TOX: variants seen among roughly 807,000 people sequenced by gnomAD.
TOX encodes the protein thymocyte selection-associated high mobility group box protein TOX.
TOX carries 11 observed loss-of-function variants against 53.7 expected under a neutral mutation model. The observed-to-expected ratio is 0.20, with a 90% CI of 0.13 to 0.34. TOX has a LOEUF of 0.34. Ranked by LOEUF, TOX falls within the 10% of genes least tolerant of loss-of-function variation. The pLI is 1.00. For missense variants in TOX, 570 were observed against 664.6 expected (o/e 0.86, Z 1.56); for synonymous variants, 225 against 245.3 (o/e 0.92, Z 0.77).
intron 7 of TOX, among the ~76,000 whole-genome samples, chr8:58,808,676 A>G (rs1810028289): frequency 6.6e-6 from 1 of 152,208 alleles, no homozygotes; most frequent in Admixed American, 6.5e-5. Flanking sequence ...TTTTTGAAGG[A>G]TTCAGGCAGC....
intron 3 of TOX, among the ~76,000 whole-genome samples, chr8:58,888,882 C>A (rs1285213609): frequency 2.0e-5 from 3 of 151,774 alleles, no homozygotes; most frequent in Non-Finnish European, 4.4e-5. Context: ...GTATCCATAC[C>A]TCCTCCCTAA....
At chr8:58,943,272 G>C (rs1812471808) in intron 2 of TOX, among the ~76,000 whole-genome samples, 1 of 152,160 alleles carries the variant, frequency 6.6e-6, no homozygotes, top group South Asian at 2.1e-4. Context: ...TGGGGCACGT[G>C]AAGGAAGTCA....
chr8:59,040,047 C>T (rs997307203), intron 1 of TOX, among the ~76,000 whole-genome samples: 9 of 152,238 alleles, frequency 5.9e-5, no homozygotes, highest in African/African-American at 2.2e-4. Flanking sequence ...TAAGAAGCAT[C>T]GGCCGGGCGC....
At chr8:58,835,662 A>T (rs1488275785) in intron 5 of TOX, among the ~76,000 whole-genome samples, 2 of 152,306 alleles carry the variant, frequency 1.3e-5, no homozygotes, top group East Asian at 3.9e-4. Context: ...GAGAACAGGG[A>T]TTTATTTTTT....
At chr8:58,975,088 G>T (rs1341313658) in intron 1 of TOX, among the ~76,000 whole-genome samples, 2 of 151,318 alleles carry the variant, frequency 1.3e-5, no homozygotes, top group Non-Finnish European at 2.9e-5. Flanking sequence ...TATGTATAAA[G>T]TTGTACATAT....
chr8:58,933,551 C>T (rs954896067), intron 3 of TOX, among the ~76,000 whole-genome samples: 1 of 150,018 alleles, frequency 6.7e-6, no homozygotes, highest in Non-Finnish European at 1.5e-5. Context: ...GTTCTTATAA[C>T]TGATTAAACT....
intron 1 of TOX, among the ~76,000 whole-genome samples, chr8:59,068,510 A>T (rs1286021416): frequency 6.6e-6 from 1 of 152,062 alleles, no homozygotes; most frequent in Non-Finnish European, 1.5e-5. Context: ...GGCGGAAAAA[A>T]GTAAAAAAAG....
intron 3 of TOX, among the ~76,000 whole-genome samples, chr8:58,892,556 G>A (rs1266644281): frequency 1.3e-5 from 2 of 152,114 alleles, no homozygotes; most frequent in Non-Finnish European, 2.9e-5. Flanking sequence ...GTGGCTTTGG[G>A]CTCCCTCAAA....
chr8:58,807,305 T>C lies in TOX; in HGVS notation c.*442A>G, dbSNP rs1809995147. The C allele has an allele frequency of 6.5e-6, 1 of 153,770 alleles. No homozygotes were observed. The highest frequency in any genetic ancestry group is 1.5e-5 in the Non-Finnish European group (1 of 68,842). 9.5% of individuals were successfully genotyped at this position (153,770 alleles called of 1,614,324 possible). On this transcript the variant is annotated 3_prime_UTR_variant, in exon 9 of 9. Transcript: ENST00000361421. ...TAGCTACAAAAACATTCACATTTTA[T>C]ACTCTAGGAGAGTGTAACATAGATG...
At chr8:58,840,337 A>G (rs1336977960) in intron 4 of TOX, among the ~76,000 whole-genome samples, 1 of 152,202 alleles carries the variant, frequency 6.6e-6, no homozygotes, top group Non-Finnish European at 1.5e-5. Context: ...AACTTCCCTG[A>G]GATGGATCAG....
chr8:58,839,494 T>C (rs1448125174), intron 4 of TOX, among the ~76,000 whole-genome samples: 1 of 152,208 alleles, frequency 6.6e-6, no homozygotes, highest in Non-Finnish European at 1.5e-5. Flanking sequence ...AAAAAACACA[T>C]TGAACATATT....
intron 3 of TOX, among the ~76,000 whole-genome samples, chr8:58,867,456 C>T (rs1471129362): frequency 6.6e-6 from 1 of 152,174 alleles, no homozygotes; most frequent in Admixed American, 6.5e-5. Context: ...TAAGGCTCTA[C>T]GTTTCAGTCT....
At chr8:58,870,669 G>A (rs1307015688) in intron 3 of TOX, among the ~76,000 whole-genome samples, 1 of 151,996 alleles carries the variant, frequency 6.6e-6, no homozygotes, top group Non-Finnish European at 1.5e-5. Flanking sequence ...CCATGGTATT[G>A]GCAAATGAAT....
At chr8:59,078,855 G>T (rs932698621) in intron 1 of TOX, among the ~76,000 whole-genome samples, 1 of 152,222 alleles carries the variant, frequency 6.6e-6, no homozygotes, top group African/African-American at 2.4e-5. Context: ...TGACCAAAAT[G>T]CTGACGGAGA....
At position 59,102,227 on chromosome 8, in the gene TOX, G is replaced by GTGTTTGTTTGTTTGTT. The variant is rs541711837; in HGVS notation, c.102+16643_102+16658dup. On this transcript the variant is annotated intron_variant, in intron 1 of 8. Transcript: ENST00000361421. ...GCTTGTACAGAAAAACTCCCGTTTT[G>GTGTTTGTTTGTTTGTT]TGTTTGTTTGTTTGTTTTCAGATGG... Among the ~76,000 whole-genome samples, 1,099 of 152,178 alleles carry GTGTTTGTTTGTTTGTT rather than the reference G, an allele frequency of 7.2e-3. 7 individuals carry two copies. Among genetic ancestry groups the GTGTTTGTTTGTTTGTT allele is most frequent in the African/African-American group, 0.025 (1,045 of 41,522 alleles).
chr8:58,951,087 T>C (rs1812613532), intron 2 of TOX, among the ~76,000 whole-genome samples: 1 of 152,210 alleles, frequency 6.6e-6, no homozygotes, highest in African/African-American at 2.4e-5. Context: ...AATTGAAGTA[T>C]GTCAACATTT....
chr8:58,894,247 A>G (rs547586701), intron 3 of TOX, among the ~76,000 whole-genome samples: 1 of 152,348 alleles, frequency 6.6e-6, no homozygotes, highest in African/African-American at 2.4e-5. Context: ...ACACCCTGCT[A>G]CGGCAATCTG....
chr8:58,935,563 G>A (rs538622304), intron 3 of TOX, among the ~76,000 whole-genome samples: 4 of 152,240 alleles, frequency 2.6e-5, no homozygotes, highest in Non-Finnish European at 2.9e-5. Flanking sequence ...CATATTGTAG[G>A]TGACCTTGAA....
intron 3 of TOX, among the ~76,000 whole-genome samples, chr8:58,901,463 T>C (rs1187443819): frequency 2.6e-5 from 4 of 152,298 alleles, no homozygotes; most frequent in African/African-American, 9.6e-5. Context: ...CTTGGGTGAA[T>C]CTTGAAATCT....
Sources: gnomAD v4.1 joint callset for allele counts (sites outside exome capture counted in the v4.1 genomes callset) on GRCh38, gnomAD v4.1.1 for gene constraint, MANE v1.5 for transcripts, NCBI Gene and HGNC (gene_info 2026-07-23, HGNC 2026-07-21) for gene names.